CLVS1: variants seen among roughly 807,000 people sequenced by gnomAD.
The protein encoded by CLVS1 is clavesin 1, also known as clavesin-1.
Under a neutral mutation model 33.1 loss-of-function variants are expected in CLVS1, and 10 were observed. The ratio of observed to expected loss-of-function variants is 0.30; its 90% CI spans 0.19 to 0.51. The LOEUF is 0.51. Ranked by LOEUF, CLVS1 falls within the 20% of genes least tolerant of loss-of-function variation. The pLI is 0.97. For synonymous variants in CLVS1, 163 were observed against 166.1 expected (o/e 0.98, Z 0.14); for missense variants, 343 against 433.4 (o/e 0.79, Z 1.85).
intron 3 of CLVS1, among the ~76,000 whole-genome samples, chr8:61,380,981 A>AG (rs1335157595): frequency 1.3e-5 from 2 of 152,156 alleles, no homozygotes; most frequent in Non-Finnish European, 2.9e-5. Flanking sequence ...GATTCCTTGA[A>AG]GGACCCAGAT....
At chr8:61,396,033 AAACTCGGACTG>A (rs1264099992) in intron 3 of CLVS1, among the ~76,000 whole-genome samples, 2 of 152,214 alleles carry the variant, frequency 1.3e-5, no homozygotes, top group Non-Finnish European at 2.9e-5. Context: ...TCCCAAATGG[AAACTCGGACTG>A]AATTCATGAA....
intron 5 of CLVS1, among the ~76,000 whole-genome samples, chr8:61,474,403 T>A (rs1046555638): frequency 1.8e-4 from 28 of 152,140 alleles, no homozygotes; most frequent in African/African-American, 5.8e-4. Context: ...GTAGGTAGGA[T>A]GTGAGCAGAG....
intron 3 of CLVS1, among the ~76,000 whole-genome samples, chr8:61,387,479 TTTTTTTTTA>T (rs1448703237): frequency 2.0e-5 from 3 of 148,936 alleles, no homozygotes; most frequent in East Asian, 1.9e-4. Flanking sequence ...TTTTTTTTTT[TTTTTTTTTA>T]AATTTCAATA....
At chr8:61,463,962 A>G (rs561491534) in intron 5 of CLVS1, among the ~76,000 whole-genome samples, 9 of 152,050 alleles carry the variant, frequency 5.9e-5, no homozygotes, top group Admixed American at 6.5e-5. Flanking sequence ...AGTCCTAGCT[A>G]CTCAGGAGGC....
intron 5 of CLVS1, among the ~76,000 whole-genome samples, chr8:61,493,199 T>C (rs765221674): frequency 2.0e-4 from 30 of 152,366 alleles, no homozygotes; most frequent in South Asian, 4.1e-4. Context: ...TTCATCCATT[T>C]TGAAATGTTA....
intron 2 of CLVS1, among the ~76,000 whole-genome samples, chr8:61,158,455 G>T (rs1440422708): frequency 6.6e-6 from 1 of 152,102 alleles, no homozygotes; most frequent in Admixed American, 6.6e-5. Context: ...TCAATTTAAA[G>T]AAAAGAAAGG....
At chr8:61,307,738 G>A (rs925654827) in intron 2 of CLVS1, among the ~76,000 whole-genome samples, 9 of 151,936 alleles carry the variant, frequency 5.9e-5, no homozygotes, top group African/African-American at 2.2e-4. Context: ...TTTGTTACAT[G>A]GTTATATTGT....
At chr8:61,273,442 T>C (rs1192228277) in intron 2 of CLVS1, among the ~76,000 whole-genome samples, 4 of 149,680 alleles carry the variant, frequency 2.7e-5, no homozygotes, top group Admixed American at 6.7e-5. Flanking sequence ...TGCTGTCTTT[T>C]TGTTTGTCTG....
chr8:60,991,884 T>C, the CLVS1 span, among the ~76,000 whole-genome samples: 1 of 151,972 alleles, frequency 6.6e-6, no homozygotes, highest in Non-Finnish European at 1.5e-5. Flanking sequence ...GGAGTTGGGA[T>C]TATAGGAGTG....
the CLVS1 span, among the ~76,000 whole-genome samples, chr8:61,014,320 C>T: frequency 6.6e-6 from 1 of 152,158 alleles, no homozygotes; most frequent in Non-Finnish European, 1.5e-5. Flanking sequence ...CTACTCTGCA[C>T]CCCATACCTG....
chr8:61,112,733 A>T (rs536683415), intron 1 of CLVS1, among the ~76,000 whole-genome samples: 1 of 152,312 alleles, frequency 6.6e-6, no homozygotes, highest in African/African-American at 2.4e-5. Flanking sequence ...AAGGACCTGT[A>T]AGCTTCAGGA....
At chr8:61,431,682 T>C (rs1816120220) in intron 3 of CLVS1, among the ~76,000 whole-genome samples, 2 of 152,182 alleles carry the variant, frequency 1.3e-5, no homozygotes, top group South Asian at 2.1e-4. Context: ...CAAACTAGAG[T>C]ATAAGCTCCT....
At chr8:61,247,771 C>G (rs543487998) in intron 2 of CLVS1, among the ~76,000 whole-genome samples, 1 of 152,302 alleles carries the variant, frequency 6.6e-6, no homozygotes, top group South Asian at 2.1e-4. Flanking sequence ...TTTTGCTGTG[C>G]AGAAGTTCTT....
intron 2 of CLVS1, among the ~76,000 whole-genome samples, chr8:61,150,280 G>A (rs922288430): frequency 6.6e-5 from 10 of 152,246 alleles, no homozygotes; most frequent in African/African-American, 2.4e-4. Context: ...GTCCAGCAGG[G>A]GAAGGCACTG....
the CLVS1 span, among the ~76,000 whole-genome samples, chr8:60,993,230 C>A: frequency 7.7e-4 from 117 of 152,240 alleles, no homozygotes; most frequent in African/African-American, 2.6e-3. Flanking sequence ...GATCTCAATA[C>A]ATTTCTGGAA....
At chr8:61,076,549 G>T (rs763507397) in intron 1 of CLVS1, among the ~76,000 whole-genome samples, 1 of 152,112 alleles carries the variant, frequency 6.6e-6, no homozygotes, top group African/African-American at 2.4e-5. Flanking sequence ...AGACGATTCG[G>T]GTTCCATTTC....
At chr8:60,996,252 A>T in the CLVS1 span, among the ~76,000 whole-genome samples, 1 of 152,342 alleles carries the variant, frequency 6.6e-6, no homozygotes, top group African/African-American at 2.4e-5. Context: ...TAGGGTTATT[A>T]TGACATCATC....
chr8:61,119,167 C>T (rs1173456611), intron 1 of CLVS1, among the ~76,000 whole-genome samples: 1 of 152,158 alleles, frequency 6.6e-6, no homozygotes, highest in East Asian at 1.9e-4. Context: ...GGTTTAAAGT[C>T]TCTTTTATCA....
chr8:61,364,384 T>C (rs1813106388), intron 2 of CLVS1, among the ~76,000 whole-genome samples: 1 of 152,178 alleles, frequency 6.6e-6, no homozygotes, highest in African/African-American at 2.4e-5. Flanking sequence ...AGATAAACTG[T>C]TGAAGGATGA....
Sources: gnomAD v4.1 joint callset for allele counts (sites outside exome capture counted in the v4.1 genomes callset) on GRCh38, gnomAD v4.1.1 for gene constraint, MANE v1.5 for transcripts, NCBI Gene and HGNC (gene_info 2026-07-23, HGNC 2026-07-21) for gene names.